Variants in ARHGEF4 observed in about 807,000 individuals in gnomAD.
ARHGEF4 encodes the protein Rho guanine nucleotide exchange factor 4, also known as APC-stimulated guanine nucleotide exchange factor 1.
A neutral mutation model predicts 162.0 loss-of-function variants in ARHGEF4; 119 were observed. The ratio of observed to expected loss-of-function variants is 0.73; its 90% CI spans 0.63 to 0.86. The LOEUF (loss-of-function observed/expected upper bound fraction) is 0.86. ARHGEF4 is among the 40% of genes least tolerant of loss of function. The pLI is 0.00. For missense variants in ARHGEF4, 2,488 were observed against 2,456.0 expected, an observed-to-expected ratio of 1.01 and a Z score of -0.28; for synonymous variants, 1,014 against 979.9, an observed-to-expected ratio of 1.03 and a Z score of -0.65.
rs1238494480 is a variant in ARHGEF4 at position 130,916,081 on chromosome 2, A to G, written c.2135A>G (p.Glu712Gly). ...GALQRVAQAA[E>G]LGRVLVPQAA... Reference sequence around the variant, plus strand: ...CTTCAGCGGGTGGCCCAGGCCGCAGAGCTTGGGAGAGTGCTGGTCCCCCAA... The same window carrying G: ...CTTCAGCGGGTGGCCCAGGCCGCAGGGCTTGGGAGAGTGCTGGTCCCCCAA... The change falls in exon 2 of 14, where the codon GAG (glutamate) becomes GGG (glycine). Residue 712 changes from glutamate (E) to glycine (G), a missense_variant. Around this residue, in one of 6 missense-constraint regions of ARHGEF4, gnomAD observed 1,642 missense variants for 1,481.5 expected, o/e 1.11. Transcript: ENST00000409359. 6.5e-7 allele frequency: 1 copy of G among 1,550,154 alleles called. No individual in the cohort carries two copies. Among genetic ancestry groups the G allele is most frequent in the Non-Finnish European group, 8.7e-7 (1 of 1,146,902 alleles).
At chr2:130,921,445 G>A (rs1306872135) in intron 2 of ARHGEF4, among the ~76,000 whole-genome samples, 3 of 152,074 alleles carry the variant, frequency 2.0e-5, no homozygotes, top group African/African-American at 7.2e-5. Context: ...TATTTCTGTG[G>A]GTTGCATTTT....
chr2:130,962,055 A>G (rs1684656757), intron 4 of ARHGEF4, among the ~76,000 whole-genome samples: 2 of 152,100 alleles, frequency 1.3e-5, no homozygotes, highest in South Asian at 2.1e-4. Flanking sequence ...CCTGGCCAAC[A>G]TGGTAAAACC....
intron 1 of ARHGEF4, among the ~76,000 whole-genome samples, chr2:130,893,655 TC>T (rs1405437696): frequency 1.3e-5 from 2 of 152,096 alleles, no homozygotes; most frequent in African/African-American, 4.8e-5. Flanking sequence ...AAGAAACTCT[TC>T]CCTACTTTGC....
At chr2:130,942,239 T>A (rs1683354566) in intron 3 of ARHGEF4, among the ~76,000 whole-genome samples, 1 of 147,768 alleles carries the variant, frequency 6.8e-6, no homozygotes, top group Admixed American at 6.8e-5. Context: ...AACCTCCTCC[T>A]CCCGGGTTCA....
intron 5 of ARHGEF4, among the ~76,000 whole-genome samples, chr2:131,038,458 G>A (rs529403327): frequency 7.1e-6 from 1 of 140,676 alleles, no homozygotes; most frequent in Non-Finnish European, 1.5e-5. Context: ...CTGCAGCCTT[G>A]CAGCCCAGCC....
Position 131,046,119 on chromosome 2 carries a change from T to C in ARHGEF4, c.5561T>C (p.Leu1854Pro). 6.2e-7 allele frequency: 1 copy of C among 1,612,970 alleles called. No homozygotes were observed. Residue 1854 changes from leucine to proline, a missense_variant, in exon 14 of 14, where the codon CTG (leucine) becomes CCG (proline). Leu to Pro is a moderately conservative substitution (Grantham distance 98). This residue lies in a region of ARHGEF4 where 415 missense variants were observed against 512.4 expected (regional missense o/e 0.81). Coordinates refer to ENST00000409359, the MANE Select transcript of ARHGEF4 (RefSeq NM_001367493.1). Reference sequence around the variant, plus strand: ...CGGCCCCAGCAGCAGGTCCTGGTGCTGGCGGAGCCCAGGCGCAAGCCATCT... The same window carrying C: ...CGGCCCCAGCAGCAGGTCCTGGTGCCGGCGGAGCCCAGGCGCAAGCCATCT... ...SNRPQQQVLV[L>P]AEPRRKPSTF...
intron 6 of ARHGEF4, 160 bp from the exon 7 acceptor site, chr2:131,039,856 C>A (rs753893241): frequency 1.1e-5 from 15 of 1,428,438 alleles, no homozygotes; most frequent in Admixed American, 3.0e-5. Flanking sequence ...CCAGGACTTG[C>A]GTGGGTGGCG....
chr2:130,928,613 C>T (rs1682449042), intron 2 of ARHGEF4, among the ~76,000 whole-genome samples: 9 of 152,192 alleles, frequency 5.9e-5, no homozygotes. Context: ...AAACCAGAAC[C>T]TCTGCCTGCT....
At chr2:130,989,205 CCCACCTCTG>C (rs1182474446) in intron 4 of ARHGEF4, among the ~76,000 whole-genome samples, 1 of 152,136 alleles carries the variant, frequency 6.6e-6, no homozygotes, top group Non-Finnish European at 1.5e-5. Context: ...AGGTGATCTG[CCCACCTCTG>C]CCTCCCAAAG....
At chr2:130,912,680 G>T (rs1280381907) in intron 1 of ARHGEF4, among the ~76,000 whole-genome samples, 1 of 152,162 alleles carries the variant, frequency 6.6e-6, no homozygotes, top group Admixed American at 6.5e-5. Context: ...CCAGCTCTGG[G>T]CCTGGGGGAG....
At chr2:130,979,932 A>T (rs1254739514) in intron 4 of ARHGEF4, among the ~76,000 whole-genome samples, 1 of 152,160 alleles carries the variant, frequency 6.6e-6, no homozygotes, top group Non-Finnish European at 1.5e-5. Context: ...AAGACCTAAT[A>T]CTTAACTATC....
chr2:130,841,068 G>GTTGT (rs537047001), intron 1 of ARHGEF4, among the ~76,000 whole-genome samples: 1 of 152,070 alleles, frequency 6.6e-6, no homozygotes, highest in Non-Finnish European at 1.5e-5. Context: ...TTAAAAAGTG[G>GTTGT]TTGTTTGTTT....
At chr2:130,896,758 G>A (rs1445077055) in intron 1 of ARHGEF4, among the ~76,000 whole-genome samples, 1 of 152,126 alleles carries the variant, frequency 6.6e-6, no homozygotes, top group South Asian at 2.1e-4. Flanking sequence ...GGCCTAGAAG[G>A]GCCAGGAAGA....
At chr2:130,841,574 G>A (rs1004607081) in intron 1 of ARHGEF4, among the ~76,000 whole-genome samples, 18 of 152,120 alleles carry the variant, frequency 1.2e-4, no homozygotes, top group African/African-American at 2.7e-4. Flanking sequence ...CAGCCTCACC[G>A]TTCTCATCTG....
intron 4 of ARHGEF4, among the ~76,000 whole-genome samples, chr2:130,985,635 C>G (rs781685994): frequency 1.2e-4 from 18 of 152,172 alleles, no homozygotes; most frequent in Non-Finnish European, 1.9e-4. Flanking sequence ...AAGGAACTTG[C>G]ATCAAGCAAA....
chr2:130,963,573 T>A (rs533377680), intron 4 of ARHGEF4: 8 of 88,240 alleles, frequency 9.1e-5, no homozygotes, highest in African/African-American at 3.6e-4. Context: ...CGGACACAGG[T>A]GGCGGCGGCG....
intron 4 of ARHGEF4, among the ~76,000 whole-genome samples, chr2:130,968,795 G>A (rs568894962): frequency 1.3e-5 from 2 of 152,292 alleles, no homozygotes; most frequent in East Asian, 1.9e-4. Context: ...GCACGCGCCT[G>A]TAGTCCCAGC....
intron 1 of ARHGEF4, among the ~76,000 whole-genome samples, chr2:130,844,689 C>T (rs1254045805): frequency 6.6e-6 from 1 of 152,064 alleles, no homozygotes; most frequent in East Asian, 1.9e-4. Context: ...CTTCATGTAA[C>T]CCCTTCACTC....
chr2:130,922,940 A>ATATATT (rs965025772), intron 2 of ARHGEF4, among the ~76,000 whole-genome samples: 7 of 149,252 alleles, frequency 4.7e-5, no homozygotes, highest in East Asian at 2.0e-4. Flanking sequence ...ATATATATAT[A>ATATATT]TTTTGTTTGA....
Sources: allele counts gnomAD v4.1 joint callset (sites outside exome capture counted in the v4.1 genomes callset), GRCh38; gene constraint gnomAD v4.1.1; regional missense constraint gnomAD v4.1.1; transcripts MANE v1.5; gene names NCBI Gene and HGNC (gene_info 2026-07-23, HGNC 2026-07-21).